CCNA1: variants seen among roughly 807,000 people sequenced by gnomAD.
CCNA1 encodes cyclin A1.
A neutral mutation model predicts 54.1 loss-of-function variants in CCNA1; 23 were observed. The observed-to-expected ratio is 0.42, with a 90% CI of 0.31 to 0.60. The LOEUF (loss-of-function observed/expected upper bound fraction) is 0.60, where lower values mean the gene tolerates loss of function less well. CCNA1 is among the 20% of genes least tolerant of loss of function. The pLI, the probability that CCNA1 is intolerant of heterozygous loss-of-function variation, is 0.14. For synonymous variants in CCNA1, 208 were observed against 213.9 expected (o/e 0.97, Z 0.24); for missense variants, 450 against 556.7 (o/e 0.81, Z 1.93).
chr13:36,436,848 A>G lies in CCNA1; in HGVS notation c.298-781A>G, dbSNP rs181172074. ...TATAAACAAAATGTTAATGTGGTAG[A>G]CAGAGCTGGCATTTGCGTAAATATA... is the stretch of plus-strand genomic sequence containing the variant. On this transcript the variant is annotated intron_variant, in intron 2 of 8. Transcript: ENST00000255465. 3.0e-3 allele frequency among the ~76,000 whole-genome samples: 463 copies of G among 152,346 alleles called. 4 individuals are homozygous for G. Among genetic ancestry groups the G allele is most frequent in the African/African-American group, 0.011 (450 of 41,578 alleles).
intron 2 of CCNA1, among the ~76,000 whole-genome samples, chr13:36,434,049 G>A (rs1458916366): frequency 1.3e-5 from 2 of 152,196 alleles, no homozygotes; most frequent in Non-Finnish European, 2.9e-5. Flanking sequence ...TTAGAGCAGT[G>A]TTCACATTGA....
chr13:36,435,568 T>C (rs911715120), intron 2 of CCNA1, among the ~76,000 whole-genome samples: 7 of 152,240 alleles, frequency 4.6e-5, no homozygotes, highest in Admixed American at 2.0e-4. Flanking sequence ...ACCTAGCTCA[T>C]TGGCCACTGT....
At chr13:36,431,877 A>G (rs2055711106), upstream of CCNA1, 3 of 152,548 alleles carry the variant, frequency 2.0e-5, no homozygotes, top group Admixed American at 2.0e-4. Context: ...CTCCCGAGCC[A>G]GGGTTCTCAG....
intron 6 of CCNA1, 109 bp from the exon 7 acceptor site, chr13:36,441,009 T>C (rs1593327018): frequency 1.7e-6 from 1 of 572,038 alleles, no homozygotes; most frequent in East Asian, 2.9e-5. Flanking sequence ...TTTTTGTAGA[T>C]GCCGACTGAA....
Position 36,433,411 on chromosome 13 carries a change from TTTC to T in CCNA1, c.297+193_297+195del, listed in dbSNP as rs1566169522. On this transcript the variant is annotated intron_variant, in intron 2 of 8. Transcript: ENST00000255465. ...CTTTCTTTCTTTCTTTCTTTCTTTC[TTTC>T]TTTCTTTCTTTCTTTCTTTCTTTCT... is the stretch of plus-strand genomic sequence containing the variant. 5.9e-4 allele frequency among the ~76,000 whole-genome samples: 68 copies of T among 116,046 alleles called. 4 individuals carry two copies. Among genetic ancestry groups the T allele is most frequent in the African/African-American group, 2.2e-3 (60 of 27,618 alleles). The allele number at this position is 116,046 out of a possible 152,430, so 76.1% of individuals were successfully genotyped here.
rs1318509903 is a variant in CCNA1 at position 36,442,729 on chromosome 13, G to A, written c.*64G>A. 3.8e-6 allele frequency: 5 copies of A among 1,319,740 alleles called. No individual in the cohort carries two copies. The highest frequency in any genetic ancestry group is 5.5e-6 in the Non-Finnish European group (5 of 914,724). The allele number at this position is 1,319,740 out of a possible 1,614,324, so 81.8% of individuals were successfully genotyped here. Reference sequence around the variant, plus strand: ...ATCAGAAGTGCCAATAATCGTCATAGGCTTCTGCACGTTGGATCAACTAAT... The same window carrying A: ...ATCAGAAGTGCCAATAATCGTCATAAGCTTCTGCACGTTGGATCAACTAAT... On this transcript the variant is annotated 3_prime_UTR_variant, in exon 9 of 9. Coordinates refer to ENST00000255465, the MANE Select transcript of CCNA1 (RefSeq NM_003914.4).
In CCNA1 at chr13:36,441,791, A is replaced by T. The variant is rs554936052; in HGVS notation, c.1213-380A>T. ...TCTGCTGCATTTTCTTTTTTTAAAA[A>T]TTTTCTTTTACTTTTTTTTAAGTAA... On this transcript the variant is annotated intron_variant, in intron 7 of 8. Coordinates refer to ENST00000255465, the MANE Select transcript of CCNA1 (RefSeq NM_003914.4). 5.9e-5 allele frequency among the ~76,000 whole-genome samples: 9 copies of T among 152,058 alleles called. No homozygotes were observed. The East Asian group carries it at 1.5e-3, about 26-fold the overall frequency.
At chr13:36,441,608 C>T (rs2055875937) in intron 7 of CCNA1, among the ~76,000 whole-genome samples, 1 of 152,110 alleles carries the variant, frequency 6.6e-6, no homozygotes, top group Non-Finnish European at 1.5e-5. Context: ...GAAGATTGCA[C>T]CTCAGGCTTT....
chr13:36,438,288 A>ATAAGAGTGCCATT, intron 4 of CCNA1, 97 bp downstream of exon 4: 2 of 1,030,864 alleles, frequency 1.9e-6, no homozygotes, highest in Non-Finnish European at 2.9e-6. Context: ...AGTGAATGGC[A>ATAAGAGTGCCATT]CTCTTATGCC....
intron 7 of CCNA1, among the ~76,000 whole-genome samples, chr13:36,441,446 G>A (rs1386948761): frequency 6.6e-6 from 1 of 152,220 alleles, no homozygotes; most frequent in African/African-American, 2.4e-5. Context: ...AGCATCACAT[G>A]CTCCTTCAAC....
At chr13:36,439,052 T>G (rs2137829585) in intron 5 of CCNA1, among the ~76,000 whole-genome samples, 185 bp downstream of exon 5, 1 of 152,364 alleles carries the variant, frequency 6.6e-6, no homozygotes, top group East Asian at 1.9e-4. Context: ...ATGTTTACTC[T>G]TCAATCACCT....
intron 7 of CCNA1, among the ~76,000 whole-genome samples, chr13:36,441,510 G>A (rs1401796398): frequency 6.6e-6 from 1 of 152,082 alleles, no homozygotes; most frequent in Non-Finnish European, 1.5e-5. Context: ...GGGCCCTTGA[G>A]GTACAATCAT....
chr13:36,441,431 G>A (rs1424946309), intron 7 of CCNA1, among the ~76,000 whole-genome samples, 200 bp downstream of exon 7: 1 of 152,208 alleles, frequency 6.6e-6, no homozygotes, highest in African/African-American at 2.4e-5. Context: ...GGAAGTCAAG[G>A]AGACAGCATC....
At chr13:36,432,985 G>T in intron 1 of CCNA1, 48 bp from the exon 2 acceptor site, 1 of 1,562,866 alleles carries the variant, frequency 6.4e-7, no homozygotes, top group Non-Finnish European at 8.7e-7. Flanking sequence ...GGAGCCCGGG[G>T]TGGACGGAAT....
chr13:36,433,707 A>G (rs2055765968), intron 2 of CCNA1, among the ~76,000 whole-genome samples: 2 of 151,278 alleles, frequency 1.3e-5, no homozygotes. Flanking sequence ...CGCCCGGCTA[A>G]TTTTTGTGTT....
chr13:36,437,549 G>A, intron 2 of CCNA1, 80 bp from the exon 3 acceptor site: 2 of 1,346,802 alleles, frequency 1.5e-6, no homozygotes, highest in Admixed American at 2.0e-5. Flanking sequence ...TTCCCAGGCT[G>A]TTGGTTTGAG....
Position 36,433,131 on chromosome 13 carries a change from C to T in CCNA1, c.207C>T (p.Leu69=). 6.2e-7 allele frequency: 1 copy of T among 1,614,198 alleles called. No homozygotes were observed. The highest frequency in any genetic ancestry group is 8.5e-7 in the Non-Finnish European group (1 of 1,180,036). ...GAGGTCCCGATGCTTGTCAGATACT[C>T]ACCAGAGCCCCGCTGGGCCAGGATC... is the stretch of plus-strand genomic sequence containing the variant. Residue 69 remains leucine (L), a synonymous_variant, in exon 2 of 9, where the codon CTC becomes CTT. Transcript: ENST00000255465.
chr13:36,432,391 C>T, upstream of CCNA1: 2 of 189,640 alleles, frequency 1.1e-5, no homozygotes, highest in Middle Eastern at 2.2e-3. Context: ...CCCTGCCCTT[C>T]CCCGCCCTGC....
At chr13:36,441,322 G>T in intron 7 of CCNA1, 91 bp downstream of exon 7, 1 of 725,018 alleles carries the variant, frequency 1.4e-6, no homozygotes. Flanking sequence ...ATAAGGATCT[G>T]GTCAACTTGA....
Sources: allele counts gnomAD v4.1 joint callset (sites outside exome capture counted in the v4.1 genomes callset), GRCh38; gene constraint gnomAD v4.1.1; transcripts MANE v1.5; gene names NCBI Gene and HGNC (gene_info 2026-07-23, HGNC 2026-07-21).